MTMR10: variants seen among roughly 807,000 people sequenced by gnomAD.
MTMR10 encodes myotubularin-related protein 10.
A neutral mutation model predicts 88.1 loss-of-function variants in MTMR10; 56 were observed. The observed-to-expected ratio is 0.64, with a 90% CI of 0.51 to 0.79. The LOEUF is 0.79. MTMR10 is among the 30% of genes least tolerant of loss of function. The pLI is 0.00. For missense variants in MTMR10, 883 were observed against 924.7 expected (o/e 0.95, Z 0.58); for synonymous variants, 380 against 340.9 (o/e 1.11, Z -1.26).
At chr15:30,951,202 C>T (rs760246712) in intron 12 of MTMR10, among the ~76,000 whole-genome samples, 3 of 152,174 alleles carry the variant, frequency 2.0e-5, no homozygotes, top group African/African-American at 4.8e-5. Context: ...TTTACATCAC[C>T]GTTTATTCCT....
Position 30,974,813 on chromosome 15 carries a change from G to T in MTMR10, c.331+118C>A. 5 of 668,166 alleles carry T rather than the reference G, an allele frequency of 7.5e-6. No individual in the cohort carries two copies. In the South Asian group the frequency reaches 1.5e-4, roughly 21 times the overall value. The allele number at this position is 668,166 out of a possible 1,614,324, so 41.4% of individuals were successfully genotyped here. A position where few individuals can be genotyped will look rare whatever the true frequency, so the allele number is the denominator to read the frequency against. On this transcript the variant is annotated intron_variant, in intron 4 of 15. Transcript: ENST00000435680. ...TTATGTTCCCGGGACTCAAAAAAAC[G>T]GCAAAAGTAAACTTACAGAAATAAA...
chr15:30,929,224 A>C, the MTMR10 span: 2 of 1,612,742 alleles, frequency 1.2e-6, no homozygotes, highest in Non-Finnish European at 1.7e-6. Flanking sequence ...GGACTTGTGC[A>C]CAGACAGCTT....
chr15:30,928,111 C>T, the MTMR10 span: 11 of 1,000,112 alleles, frequency 1.1e-5, no homozygotes, highest in Non-Finnish European at 1.3e-5. Context: ...TCCGGGAGGT[C>T]CCCTTAGGGA....
intron 2 of MTMR10, among the ~76,000 whole-genome samples, chr15:30,983,444 A>G (rs1371090652): frequency 1.3e-5 from 2 of 152,248 alleles, no homozygotes; most frequent in Non-Finnish European, 2.9e-5. Context: ...TGATATGGCT[A>G]GGAAAGTTTT....
chr15:30,989,449 TA>T (rs1193950722), intron 2 of MTMR10, among the ~76,000 whole-genome samples: 1 of 152,218 alleles, frequency 6.6e-6, no homozygotes, highest in East Asian at 1.9e-4. Flanking sequence ...CCCTATATAA[TA>T]TTTAAAATTT....
At chr15:30,942,776 C>A in intron 15 of MTMR10, 114 bp downstream of exon 15, 1 of 1,083,716 alleles carries the variant, frequency 9.2e-7, no homozygotes, top group Non-Finnish European at 1.3e-6. Context: ...CCTCAGAAAC[C>A]CGCATTAGCA....
intron 12 of MTMR10, chr15:30,949,674 T>C (rs1049838916): frequency 6.6e-6 from 1 of 152,096 alleles, no homozygotes; most frequent in Admixed American, 6.6e-5. Flanking sequence ...TCTAAATAAA[T>C]GAAGCAGCAT....
intron 9 of MTMR10, among the ~76,000 whole-genome samples, chr15:30,957,029 T>C (rs1475322697): frequency 1.3e-5 from 2 of 152,194 alleles, no homozygotes. Flanking sequence ...GATGGTTATT[T>C]GCTTCAGTGA....
intron 7 of MTMR10, among the ~76,000 whole-genome samples, chr15:30,959,723 C>A (rs1023986136): frequency 1.3e-5 from 2 of 152,218 alleles, no homozygotes. Flanking sequence ...GCAAAAGATA[C>A]AAGCTACATG....
At chr15:30,923,222 G>A in the MTMR10 span, among the ~76,000 whole-genome samples, 12 of 152,192 alleles carry the variant, frequency 7.9e-5, no homozygotes, top group Non-Finnish European at 1.5e-5. Flanking sequence ...CAGGGAAAGA[G>A]CCAGTAAAGC....
Position 30,947,160 on chromosome 15 carries a change from G to A in MTMR10, c.1518C>T (p.Asn506=). The part of the protein sequence containing the change: ...RISLFGTFLF[N]SPHQRVKQST... ...TTTGCTTCACTCGCTGGTGAGGGGA[G>A]TTGAACAGGAAGGTGCCAAACAGTG... The change falls in exon 14 of 16, where the codon AAC becomes AAT. Residue 506 remains asparagine, a synonymous_variant. Transcript: ENST00000435680. 6.2e-7 allele frequency: 1 copy of A among 1,612,438 alleles called. No individual in the cohort carries two copies. The highest frequency in any genetic ancestry group is 8.5e-7 in the Non-Finnish European group (1 of 1,179,386).
intron 14 of MTMR10, chr15:30,946,728 A>C: frequency 1.4e-6 from 1 of 703,022 alleles, no homozygotes; most frequent in Non-Finnish European, 2.6e-6. Flanking sequence ...CAGAAACTTC[A>C]AACTCGTGAA....
At chr15:30,928,253 T>C in the MTMR10 span, 5 of 1,136,898 alleles carry the variant, frequency 4.4e-6, no homozygotes, top group Non-Finnish European at 5.4e-6. Flanking sequence ...CTTTTAAACA[T>C]GTTTCTTAGG....
chr15:30,988,311 G>A (rs1202006684), intron 2 of MTMR10, among the ~76,000 whole-genome samples: 3 of 152,114 alleles, frequency 2.0e-5, no homozygotes, highest in South Asian at 2.1e-4. Flanking sequence ...ATTCAGGACC[G>A]GCTAAATGTT....
intron 13 of MTMR10, among the ~76,000 whole-genome samples, chr15:30,947,626 TAAC>T (rs2063189907): frequency 6.6e-6 from 1 of 152,204 alleles, no homozygotes; most frequent in African/African-American, 2.4e-5. Flanking sequence ...TTAGATTATA[TAAC>T]AAAACAAAAC....
At chr15:30,923,005 G>A in the MTMR10 span, among the ~76,000 whole-genome samples, 1 of 152,186 alleles carries the variant, frequency 6.6e-6, no homozygotes, top group East Asian at 1.9e-4. Flanking sequence ...TTGTGTGGCC[G>A]CCAGCAGGCC....
Position 30,942,232 on chromosome 15 carries a change from C to T in MTMR10, c.1732-160G>A. The T allele has an allele frequency of 4.4e-6, 4 of 903,208 alleles. No individual in the cohort carries two copies. In the South Asian group the frequency reaches 6.8e-5, roughly 15 times the overall value. 55.9% of individuals were successfully genotyped at this position (903,208 alleles called of 1,614,324 possible). On this transcript the variant is annotated intron_variant, in intron 15 of 15. Transcript: ENST00000435680. ...TTTGTGTCCTTATTCTAATCCTCCT[C>T]CCCTGGAATTACACTTTTTTATGTG...
At chr15:30,935,068 G>C (rs988301294), downstream of MTMR10, among the ~76,000 whole-genome samples, 5 of 152,154 alleles carry the variant, frequency 3.3e-5, no homozygotes, top group African/African-American at 1.2e-4. Flanking sequence ...CACTTTGGGA[G>C]GCTGAGGTGG....
intron 6 of MTMR10, among the ~76,000 whole-genome samples, chr15:30,962,642 T>C (rs1474493963): frequency 1.3e-5 from 2 of 152,210 alleles, no homozygotes; most frequent in Non-Finnish European, 2.9e-5. Flanking sequence ...CTACTGATTA[T>C]TCATTAATTC....
Sources: allele counts gnomAD v4.1 joint callset (sites outside exome capture counted in the v4.1 genomes callset), GRCh38; gene constraint gnomAD v4.1.1; transcripts MANE v1.5; gene names NCBI Gene and HGNC (gene_info 2026-07-23, HGNC 2026-07-21).